TBC1D2B: variants seen among roughly 807,000 people sequenced by gnomAD.
TBC1D2B encodes TBC1 domain family member 2B, also known as TBC1 domain family, member 2B.
Under a neutral mutation model 100.8 loss-of-function variants are expected in TBC1D2B, and 64 were observed. That is an observed-to-expected ratio of 0.64 (90% CI 0.52 to 0.78). The LOEUF is 0.78. Among genes scored for constraint, TBC1D2B ranks in the 30% least tolerant of loss-of-function variants. The pLI, the probability that TBC1D2B is intolerant of heterozygous loss-of-function variation, is 0.00. For missense variants in TBC1D2B, 1,052 were observed against 1,218.4 expected, an observed-to-expected ratio of 0.86 and a Z score of 2.03; for synonymous variants, 480 against 479.7, an observed-to-expected ratio of 1.00 and a Z score of -0.01.
At chr15:78,050,845 CT>C (rs1210694108) in intron 2 of TBC1D2B, among the ~76,000 whole-genome samples, 47 of 152,322 alleles carry the variant, frequency 3.1e-4, no homozygotes, top group Admixed American at 1.8e-3. Context: ...GTGCTGGCTC[CT>C]TAATGAATAT....
intron 6 of TBC1D2B, among the ~76,000 whole-genome samples, chr15:78,021,917 A>T (rs959550444): frequency 2.0e-5 from 3 of 152,162 alleles, no homozygotes; most frequent in Admixed American, 6.5e-5. Flanking sequence ...ACAGCCACGA[A>T]GCATAACCTC....
chr15:78,068,383 C>CCCCACACACACACA (rs1555422891), intron 1 of TBC1D2B, among the ~76,000 whole-genome samples: 1 of 143,012 alleles, frequency 7.0e-6, no homozygotes, highest in Non-Finnish European at 1.5e-5. Flanking sequence ...CACACCACAC[C>CCCCACACACACACA]CACACACACA....
intron 12 of TBC1D2B, among the ~76,000 whole-genome samples, chr15:78,000,005 T>C (rs2071868128): frequency 6.6e-6 from 1 of 152,180 alleles, no homozygotes; most frequent in South Asian, 2.1e-4. Flanking sequence ...TGAAGGCCGA[T>C]CGCTGTGCTG....
At chr15:78,045,252 T>TA (rs2073172321) in intron 2 of TBC1D2B, among the ~76,000 whole-genome samples, 184 bp from the exon 3 acceptor site, 1 of 152,230 alleles carries the variant, frequency 6.6e-6, no homozygotes, top group South Asian at 2.1e-4. Flanking sequence ...CATCTTCATC[T>TA]AAACAGATCC....
chr15:78,011,613 G>A (rs1447045423), intron 9 of TBC1D2B, among the ~76,000 whole-genome samples: 1 of 148,030 alleles, frequency 6.8e-6, no homozygotes, highest in Non-Finnish European at 1.5e-5. Context: ...TGGGATTAGA[G>A]GCACATGCCA....
At chr15:78,049,802 A>G (rs1264070687) in intron 2 of TBC1D2B, among the ~76,000 whole-genome samples, 1 of 151,548 alleles carries the variant, frequency 6.6e-6, no homozygotes, top group Admixed American at 6.6e-5. Context: ...TCTCCCTCAC[A>G]TCCTCCCTCC....
At chr15:78,067,697 A>C (rs2073681173) in intron 1 of TBC1D2B, among the ~76,000 whole-genome samples, 1 of 152,244 alleles carries the variant, frequency 6.6e-6, no homozygotes, top group South Asian at 2.1e-4. Flanking sequence ...AGAAAGAAGA[A>C]GCACACAGGA....
intron 12 of TBC1D2B, chr15:77,998,637 G>C (rs2071829066): frequency 5.2e-6 from 2 of 382,742 alleles, no homozygotes; most frequent in African/African-American, 4.1e-5. Flanking sequence ...ATCTTCATCT[G>C]CACACTGGGG....
intron 4 of TBC1D2B, among the ~76,000 whole-genome samples, chr15:78,025,927 C>T (rs578212850): frequency 1.3e-5 from 2 of 151,824 alleles, no homozygotes; most frequent in East Asian, 3.9e-4. Flanking sequence ...CATTCACCAC[C>T]TTAAGAACTA....
At chr15:78,029,893 C>T in intron 4 of TBC1D2B, 114 bp downstream of exon 4, 3 of 724,500 alleles carry the variant, frequency 4.1e-6, no homozygotes, top group Non-Finnish European at 6.3e-6. Context: ...AGAATGCAAG[C>T]CCCCATTGGT....
At chr15:78,046,420 C>T (rs1265959151) in intron 2 of TBC1D2B, among the ~76,000 whole-genome samples, 1 of 152,198 alleles carries the variant, frequency 6.6e-6, no homozygotes, top group Non-Finnish European at 1.5e-5. Flanking sequence ...TAAAATATCT[C>T]TATATCAACA....
intron 1 of TBC1D2B, among the ~76,000 whole-genome samples, chr15:78,054,898 G>A (rs1393428488): frequency 2.0e-5 from 3 of 151,978 alleles, no homozygotes. Flanking sequence ...TGTTTATAGA[G>A]GTTTTATTCA....
chr15:78,058,584 G>A (rs1055674702), intron 1 of TBC1D2B, among the ~76,000 whole-genome samples: 10 of 152,240 alleles, frequency 6.6e-5, no homozygotes, highest in African/African-American at 2.4e-4. Context: ...TCTATCACCA[G>A]GAGTTCCCTC....
intron 2 of TBC1D2B, among the ~76,000 whole-genome samples, chr15:78,052,500 C>T (rs2073333963): frequency 6.6e-6 from 1 of 152,168 alleles, no homozygotes; most frequent in Admixed American, 6.5e-5. Context: ...GTCCCCATAT[C>T]AAAGGAGGAG....
Position 77,995,482 on chromosome 15 carries a change from G to T in TBC1D2B, c.*2678C>A, listed in dbSNP as rs926584758. The stretch of plus-strand genomic sequence containing the variant: ...GAGTCAGTGAGAGTCAGGGCCAGAG[G>T]GAAAAGCAACTCGGAGGCTGAGGCT... On this transcript the variant is annotated 3_prime_UTR_variant, in exon 13 of 13. Coordinates refer to ENST00000300584, the MANE Select transcript of TBC1D2B (RefSeq NM_144572.2). 29 of 152,236 alleles carry T rather than the reference G, an allele frequency of 1.9e-4. No homozygotes were observed. The highest frequency in any genetic ancestry group is 6.8e-4 in the African/African-American group (28 of 41,398). 9.4% of individuals were successfully genotyped at this position (152,236 alleles called of 1,614,324 possible). A position where few individuals can be genotyped will look rare whatever the true frequency, so the allele number is the denominator to read the frequency against.
At chr15:78,047,519 G>A (rs1425783626) in intron 2 of TBC1D2B, among the ~76,000 whole-genome samples, 1 of 152,146 alleles carries the variant, frequency 6.6e-6, no homozygotes, top group Non-Finnish European at 1.5e-5. Flanking sequence ...CTTCTAGAGG[G>A]AAAAGAGGAT....
rs752426721 is a variant in TBC1D2B, at chr15:78,003,405, G to A, written c.2474C>T (p.Thr825Ile). Residue 825 changes from threonine (T) to isoleucine (I), a missense_variant, in exon 11 of 13, where the codon ACT becomes ATT. This residue lies in a region of TBC1D2B where 373 missense variants were observed against 464.9 expected (regional missense o/e 0.80). Coordinates refer to ENST00000300584, the MANE Select transcript of TBC1D2B (RefSeq NM_144572.2). ...CAGAAACCAGTTGAAAGTGATGAGA[G>A]TGTAGTCGACTTTGTACTGTTCAAA... ...GHFEQYKVDY[T>I]LITFNWFLVV... 1.2e-6 allele frequency: 2 copies of A among 1,613,772 alleles called. No individual in the cohort carries two copies. Among genetic ancestry groups the A allele is most frequent in the Non-Finnish European group, 1.7e-6 (2 of 1,179,832 alleles).
rs796635873 is a variant in TBC1D2B, at chr15:78,013,387, TAG to T, written c.1776-72_1776-71del. The T allele has an allele frequency of 1.9e-4, 265 of 1,402,182 alleles. No homozygotes were observed. In the Middle Eastern group the frequency reaches 2.8e-3, roughly 15 times the overall value. The allele number at this position is 1,402,182 out of a possible 1,614,324, so 86.9% of individuals were successfully genotyped here. A position where few individuals can be genotyped will look rare whatever the true frequency, so the allele number is the denominator to read the frequency against. On this transcript the variant is annotated intron_variant, in intron 8 of 12. Transcript: ENST00000300584. Reference sequence around the variant, plus strand: ...GCAACAAAGACCAATGCAACAGAAATAGAGAGTCTAGAAACCAAATCAGGCAC... The same window carrying T: ...GCAACAAAGACCAATGCAACAGAAATAGAGTCTAGAAACCAAATCAGGCAC...
rs1376283646 is a variant in TBC1D2B at position 77,996,024 on chromosome 15, C to T, written c.*2136G>A. 3.3e-5 allele frequency: 5 copies of T among 151,424 alleles called. No homozygotes were observed. Among genetic ancestry groups the T allele is most frequent in the Admixed American group, 6.6e-5 (1 of 15,160 alleles). 9.4% of individuals were successfully genotyped at this position (151,424 alleles called of 1,614,324 possible). ...CTCCGTCCCGTTCCCAAACTTTAAC[C>T]AGGCGGAGCCGCCCTCTCTTGCCTT... On this transcript the variant is annotated 3_prime_UTR_variant, in exon 13 of 13. Coordinates refer to ENST00000300584, the MANE Select transcript of TBC1D2B (RefSeq NM_144572.2).
Sources: gnomAD v4.1 joint callset for allele counts (sites outside exome capture counted in the v4.1 genomes callset) on GRCh38, gnomAD v4.1.1 for gene constraint, gnomAD v4.1.1 regional missense constraint, MANE v1.5 for transcripts, NCBI Gene and HGNC (gene_info 2026-07-23, HGNC 2026-07-21) for gene names.